The following VWA8 variants were observed in gnomAD, a reference collection of about 807,000 sequenced individuals.
VWA8 encodes von Willebrand factor A domain-containing protein 8.
A neutral mutation model predicts 241.5 loss-of-function variants in VWA8; 221 were observed. That is an observed-to-expected ratio of 0.91 (90% CI 0.82 to 1.02). The LOEUF (loss-of-function observed/expected upper bound fraction) is 1.02. Among genes scored for constraint, VWA8 ranks in the 50% least tolerant of loss-of-function variants. The pLI is 0.00. For synonymous variants in VWA8, 852 were observed against 827.1 expected (o/e 1.03, Z -0.52); for missense variants, 2,322 against 2,328.7 (o/e 1.00, Z 0.06).
At chr13:41,805,412 T>C (rs1291910890) in intron 17 of VWA8, among the ~76,000 whole-genome samples, 1 of 152,146 alleles carries the variant, frequency 6.6e-6, no homozygotes, top group Non-Finnish European at 1.5e-5. Context: ...AGCACCCAAA[T>C]ATATAAAAGC....
chr13:41,593,902 A>G (rs918771099), intron 40 of VWA8, among the ~76,000 whole-genome samples: 1 of 152,202 alleles, frequency 6.6e-6, no homozygotes, highest in Admixed American at 6.5e-5. Context: ...ATGTGGGATT[A>G]GAACTGGAAT....
Position 41,960,966 on chromosome 13 carries a change from G to A in VWA8, c.50C>T (p.Pro17Leu), listed in dbSNP as rs1436492547. The change falls in exon 1 of 45, where the codon CCG (proline) becomes CTG (leucine). Residue 17 changes from proline (P) to leucine (L), a missense_variant. Physicochemically the swap from Pro to Leu is moderately conservative, Grantham distance 98. Coordinates refer to ENST00000379310, the MANE Select transcript of VWA8 (RefSeq NM_015058.2). Reference sequence around the variant, plus strand: ...GAGCAGCCGCATGCGCCGCGAGGCCGGGCCGCCGTGGCCTCCGGGTGCCCC... The same window carrying A: ...GAGCAGCCGCATGCGCCGCGAGGCCAGGCCGCCGTGGCCTCCGGGTGCCCC... The part of the protein sequence containing the change: ...LLGAPGGHGG[P>L]ASRRMRLLLR... 6.9e-7 allele frequency: 1 copy of A among 1,442,198 alleles called. No homozygotes were observed. 89.3% of individuals were successfully genotyped at this position (1,442,198 alleles called of 1,614,324 possible).
chr13:41,871,379 T>G (rs1025642617), intron 9 of VWA8, among the ~76,000 whole-genome samples: 5 of 152,146 alleles, frequency 3.3e-5, no homozygotes, highest in Non-Finnish European at 7.4e-5. Context: ...TATGTATACA[T>G]GTGCCATGCT....
intron 21 of VWA8, among the ~76,000 whole-genome samples, chr13:41,733,263 G>A (rs9634657): frequency 0.043 from 6,588 of 152,190 alleles, 169 homozygotes; most frequent in East Asian, 0.11. Flanking sequence ...TAAACTTAAC[G>A]TCATCAAATA....
intron 43 of VWA8, among the ~76,000 whole-genome samples, chr13:41,571,302 C>CG (rs1566370788): frequency 1.4e-5 from 2 of 145,976 alleles, no homozygotes; most frequent in Admixed American, 6.9e-5. Flanking sequence ...TCCCGTCTCC[C>CG]TCTCCCTCCT....
At chr13:41,724,295 T>G (rs921965813) in intron 24 of VWA8, among the ~76,000 whole-genome samples, 2 of 152,092 alleles carry the variant, frequency 1.3e-5, no homozygotes, top group African/African-American at 4.8e-5. Context: ...TGAGTACAAA[T>G]GACTGTGAGG....
chr13:41,936,397 A>G (rs1376400934), intron 2 of VWA8, among the ~76,000 whole-genome samples: 2 of 152,162 alleles, frequency 1.3e-5, no homozygotes, highest in Non-Finnish European at 2.9e-5. Flanking sequence ...TTTTCTCATC[A>G]ATTTACATGA....
chr13:41,677,047 T>C (rs531370417), intron 35 of VWA8, among the ~76,000 whole-genome samples: 6 of 152,218 alleles, frequency 3.9e-5, no homozygotes, highest in African/African-American at 1.2e-4. Context: ...AAGATTTTCA[T>C]CTTTTGGGAT....
intron 12 of VWA8, among the ~76,000 whole-genome samples, chr13:41,841,569 G>A (rs888619430): frequency 2.7e-5 from 4 of 149,684 alleles, no homozygotes; most frequent in African/African-American, 4.9e-5. Context: ...GGTGGATCAC[G>A]AGGTCAGGAG....
At chr13:41,840,264 A>AGACC (rs777859679) in intron 12 of VWA8, among the ~76,000 whole-genome samples, 1 of 152,102 alleles carries the variant, frequency 6.6e-6, no homozygotes, top group African/African-American at 2.4e-5. Context: ...GAGTTGAATG[A>AGACC]GACCACATGG....
chr13:41,706,104 T>C (rs1184237930), intron 26 of VWA8, among the ~76,000 whole-genome samples: 1 of 152,172 alleles, frequency 6.6e-6, no homozygotes, highest in African/African-American at 2.4e-5. Context: ...AACAATCATA[T>C]AAATGCTTTA....
chr13:41,819,480 A>G, intron 14 of VWA8, 94 bp from the exon 15 acceptor site: 1 of 1,265,554 alleles, frequency 7.9e-7, no homozygotes, highest in Non-Finnish European at 1.1e-6. Flanking sequence ...TAGGGCTATC[A>G]TACTGTTAAT....
intron 26 of VWA8, 60 bp downstream of exon 26, chr13:41,719,531 G>C: frequency 6.2e-7 from 1 of 1,604,020 alleles, no homozygotes; most frequent in Non-Finnish European, 8.5e-7. Context: ...TTGTAGAATG[G>C]AATGATAAAT....
chr13:41,620,635 C>T (rs1375554466), intron 37 of VWA8, among the ~76,000 whole-genome samples: 1 of 152,166 alleles, frequency 6.6e-6, no homozygotes, highest in East Asian at 1.9e-4. Flanking sequence ...CTACACACTG[C>T]TTTAAATGAA....
intron 13 of VWA8, among the ~76,000 whole-genome samples, chr13:41,831,613 G>GTTTTTTTTTTT (rs71096547): frequency 8.8e-6 from 1 of 113,412 alleles, no homozygotes; most frequent in Non-Finnish European, 1.7e-5. Flanking sequence ...CCAGGCATGA[G>GTTTTTTTTTTT]TTTTTTTTTT....
intron 8 of VWA8, among the ~76,000 whole-genome samples, chr13:41,885,335 C>T (rs1267835864): frequency 1.3e-5 from 2 of 152,184 alleles, no homozygotes; most frequent in African/African-American, 4.8e-5. Context: ...ACCGCCATGC[C>T]CTTTGTGAAA....
At chr13:41,571,671 G>C (rs2044305799) in intron 43 of VWA8, among the ~76,000 whole-genome samples, 1 of 152,216 alleles carries the variant, frequency 6.6e-6, no homozygotes. Flanking sequence ...CCAGGCTGGA[G>C]TGCAGTGGCG....
chr13:41,726,965 A>C (rs1176836331), intron 24 of VWA8, among the ~76,000 whole-genome samples: 1 of 152,146 alleles, frequency 6.6e-6, no homozygotes, highest in Non-Finnish European at 1.5e-5. Flanking sequence ...ACTGCACTCC[A>C]GTCTGGGTGA....
At chr13:41,811,538 A>C (rs910925490) in intron 16 of VWA8, among the ~76,000 whole-genome samples, 198 bp from the exon 17 acceptor site, 2 of 152,176 alleles carry the variant, frequency 1.3e-5, no homozygotes. Context: ...TTTTTAAAAA[A>C]TCTAAAGTAT....
Sources: gnomAD v4.1 joint callset for allele counts (sites outside exome capture counted in the v4.1 genomes callset) on GRCh38, gnomAD v4.1.1 for gene constraint, MANE v1.5 for transcripts, NCBI Gene and HGNC (gene_info 2026-07-23, HGNC 2026-07-21) for gene names.